The following FGD6 variants were observed in gnomAD, a reference collection of about 807,000 sequenced individuals.
The protein encoded by FGD6 is FYVE, RhoGEF and PH domain containing 6.
A neutral mutation model predicts 149.4 loss-of-function variants in FGD6; 90 were observed. The observed-to-expected ratio is 0.60, with a 90% CI of 0.51 to 0.72. The LOEUF (loss-of-function observed/expected upper bound fraction) is 0.72, where lower values mean the gene tolerates loss of function less well. Ranked by LOEUF, FGD6 falls within the 30% of genes least tolerant of loss-of-function variation. The pLI is 0.00. For missense variants in FGD6, 1,437 were observed against 1,684.8 expected, an observed-to-expected ratio of 0.85 and a Z score of 2.57; for synonymous variants, 527 against 584.0, an observed-to-expected ratio of 0.90 and a Z score of 1.41.
chr12:95,163,585 A>AGG (rs1446984208), intron 3 of FGD6, among the ~76,000 whole-genome samples: 5 of 152,334 alleles, frequency 3.3e-5, no homozygotes, highest in Non-Finnish European at 7.3e-5. Flanking sequence ...AATGTGTATA[A>AGG]GGATGGCTGC....
At chr12:95,198,813 A>C (rs535136145) in intron 2 of FGD6, among the ~76,000 whole-genome samples, 1 of 152,120 alleles carries the variant, frequency 6.6e-6, no homozygotes, top group Non-Finnish European at 1.5e-5. Flanking sequence ...TGGTTCATAG[A>C]CTTTTGGTGA....
intron 5 of FGD6, 82 bp from the exon 6 acceptor site, chr12:95,141,621 T>G (rs1879849319): frequency 6.8e-7 from 1 of 1,481,210 alleles, no homozygotes; most frequent in Non-Finnish European, 9.3e-7. Context: ...CCCTCCTCCC[T>G]AAAATGATAC....
chr12:95,116,337 T>C (rs1006389515), intron 8 of FGD6, among the ~76,000 whole-genome samples: 1 of 152,220 alleles, frequency 6.6e-6, no homozygotes, highest in Non-Finnish European at 1.5e-5. Context: ...CTTAAGCTGT[T>C]AGATAGTTAC....
rs1326575097 is a variant in FGD6 at position 95,121,450 on chromosome 12, C to CAAA, written c.3083-7752_3083-7750dup. On this transcript the variant is annotated intron_variant, in intron 8 of 20. Coordinates refer to ENST00000343958, the MANE Select transcript of FGD6 (RefSeq NM_018351.4). ...GGGTAATAAGAGTAAAATTCCGTCT[C>CAAA]AAAAAAAAAAAAAGATATATATATA... Among the ~76,000 whole-genome samples, 70 of 105,594 alleles carry CAAA rather than the reference C, an allele frequency of 6.6e-4. 1 individual carries two copies. Among genetic ancestry groups the CAAA allele is most frequent in the African/African-American group, 2.3e-3 (57 of 25,200 alleles). The allele number at this position is 105,594 out of a possible 152,430, so 69.3% of individuals were successfully genotyped here.
At chr12:95,140,909 T>C (rs75773323) in intron 6 of FGD6, among the ~76,000 whole-genome samples, 1,734 of 152,066 alleles carry the variant, frequency 0.011, 42 homozygotes, top group African/African-American at 0.04. Context: ...TGTGCCAAGG[T>C]TGTGAATTTT....
chr12:95,171,553 T>A (rs940223676), intron 3 of FGD6, among the ~76,000 whole-genome samples: 2 of 152,210 alleles, frequency 1.3e-5, no homozygotes, highest in African/African-American at 4.8e-5. Flanking sequence ...TCTCACTCTG[T>A]CACCCAGGCT....
chr12:95,194,075 G>A (rs924114082), intron 2 of FGD6, among the ~76,000 whole-genome samples: 2 of 151,654 alleles, frequency 1.3e-5, no homozygotes, highest in Admixed American at 6.6e-5. Context: ...CTAGGACTAC[G>A]GGCATGTACC....
chr12:95,205,133 T>C (rs1024374778), intron 2 of FGD6, among the ~76,000 whole-genome samples: 2 of 152,198 alleles, frequency 1.3e-5, no homozygotes, highest in Admixed American at 1.3e-4. Context: ...ATGGGTGTGG[T>C]GGCACATGCC....
intron 8 of FGD6, among the ~76,000 whole-genome samples, chr12:95,130,413 A>G (rs929075470): frequency 2.0e-5 from 3 of 151,804 alleles, no homozygotes; most frequent in African/African-American, 7.3e-5. Context: ...ATGAAGTACC[A>G]CTCCTGCCTG....
chr12:95,142,336 C>T (rs1565906708), intron 5 of FGD6, among the ~76,000 whole-genome samples: 2 of 151,396 alleles, frequency 1.3e-5, no homozygotes, highest in East Asian at 1.9e-4. Context: ...GTAGAGACGG[C>T]GTTTCACCAT....
In FGD6 at chr12:95,107,754, T is replaced by C. The variant is rs182257313; in HGVS notation, c.3265-123A>G. On this transcript the variant is annotated intron_variant, in intron 11 of 20. Coordinates refer to ENST00000343958, the MANE Select transcript of FGD6 (RefSeq NM_018351.4). ...GACAGACTGGGGAGCCACAGTTTCC[T>C]TGAGATTTTTTACAGTCATAGTTAA... The C allele has an allele frequency of 1.3e-4, 119 of 915,608 alleles. No individual in the cohort carries two copies. In the African/African-American group the frequency reaches 1.6e-3, roughly 12 times the overall value. 56.7% of individuals were successfully genotyped at this position (915,608 alleles called of 1,614,324 possible). A position where few individuals can be genotyped will look rare whatever the true frequency, so the allele number is the denominator to read the frequency against.
rs1193707680 is a variant in FGD6 at position 95,094,703 on chromosome 12, G to A, written c.3498-9C>T. 3 of 1,599,006 alleles carry A rather than the reference G, an allele frequency of 1.9e-6. No individual in the cohort carries two copies. Among genetic ancestry groups the A allele is most frequent in the Admixed American group, 1.7e-5 (1 of 59,100 alleles). The stretch of plus-strand genomic sequence containing the variant: ...CCCTTTCTGTGGCAGAACTGTTGGG[G>A]GCAAAAGGTTTCATCAACCAGATGT... On this transcript the variant is annotated splice_polypyrimidine_tract_variant and intron_variant, in intron 14 of 20. Coordinates refer to ENST00000343958, the MANE Select transcript of FGD6 (RefSeq NM_018351.4).
intron 5 of FGD6, among the ~76,000 whole-genome samples, chr12:95,144,229 G>C (rs1477247913): frequency 6.6e-6 from 1 of 152,188 alleles, no homozygotes; most frequent in Admixed American, 6.5e-5. Context: ...CAGTACTACT[G>C]GATGTTTTCA....
rs371253902 is a variant in FGD6, at chr12:95,209,953, G to T, written c.1331C>A (p.Thr444Asn). 69 of 1,611,582 alleles carry T rather than the reference G, an allele frequency of 4.3e-5. No individual in the cohort carries two copies. Among genetic ancestry groups the T allele is most frequent in the Non-Finnish European group, 5.7e-5 (67 of 1,179,280 alleles). Residue 444 changes from threonine (T) to asparagine (N), a missense_variant, in exon 2 of 21, where the codon ACC (threonine) becomes AAC (asparagine). Coordinates refer to ENST00000343958, the MANE Select transcript of FGD6 (RefSeq NM_018351.4). ...SSMSLAVDEG[T>N]GFIRCTVSMS... ...AGATACAGTACATCTTATAAAACCG[G>T]TCCCTTCGTCCACAGCAAGCGACAT...
At chr12:95,114,382 G>A (rs1878936208) in intron 8 of FGD6, among the ~76,000 whole-genome samples, 1 of 150,848 alleles carries the variant, frequency 6.6e-6, no homozygotes, top group Non-Finnish European at 1.5e-5. Context: ...AAAGGGGGTG[G>A]ATCACTTGAA....
At chr12:95,160,423 G>A (rs1880604681) in intron 3 of FGD6, among the ~76,000 whole-genome samples, 3 of 152,120 alleles carry the variant, frequency 2.0e-5, no homozygotes, top group Admixed American at 2.0e-4. Flanking sequence ...TTTATATATT[G>A]TTGGTGGGCA....
intron 2 of FGD6, among the ~76,000 whole-genome samples, chr12:95,184,885 T>C (rs1442589314): frequency 6.9e-6 from 1 of 144,698 alleles, no homozygotes; most frequent in Non-Finnish European, 1.5e-5. Flanking sequence ...ACTCAGCCTT[T>C]TTTTTTGAGA....
chr12:95,153,616 G>A (rs191961168), intron 3 of FGD6, among the ~76,000 whole-genome samples: 4 of 152,084 alleles, frequency 2.6e-5, no homozygotes, highest in East Asian at 1.9e-4. Flanking sequence ...AGCCGAGATC[G>A]CGCCATTGCA....
intron 18 of FGD6, among the ~76,000 whole-genome samples, 170 bp downstream of exon 18, chr12:95,089,399 G>C (rs1238819064): frequency 1.3e-5 from 2 of 152,174 alleles, no homozygotes; most frequent in African/African-American, 4.8e-5. Context: ...AGGTCAGACG[G>C]GAGACCAAGC....
Sources: allele counts gnomAD v4.1 joint callset (sites outside exome capture counted in the v4.1 genomes callset), GRCh38; gene constraint gnomAD v4.1.1; transcripts MANE v1.5; gene names NCBI Gene and HGNC (gene_info 2026-07-23, HGNC 2026-07-21).